PLCH1: variants seen among roughly 807,000 people sequenced by gnomAD.
PLCH1 encodes 1-phosphatidylinositol 4,5-bisphosphate phosphodiesterase eta-1.
Under a neutral mutation model 126.7 loss-of-function variants are expected in PLCH1, and 60 were observed. That is an observed-to-expected ratio of 0.47 (90% CI 0.38 to 0.59). The LOEUF (loss-of-function observed/expected upper bound fraction) is 0.59, where lower values mean the gene tolerates loss of function less well. Among genes scored for constraint, PLCH1 ranks in the 20% least tolerant of loss-of-function variants. The pLI is 0.00. For synonymous variants in PLCH1, 719 were observed against 734.9 expected (o/e 0.98, Z 0.35); for missense variants, 1,723 against 2,040.0 (o/e 0.84, Z 2.99).
chr3:155,692,424 G>C (rs1341970183), intron 2 of PLCH1, among the ~76,000 whole-genome samples: 1 of 151,672 alleles, frequency 6.6e-6, no homozygotes, highest in Non-Finnish European at 1.5e-5. Context: ...ATCACCTGAA[G>C]ATAGATAAAT....
At chr3:155,589,149 C>A (rs937482631) in intron 4 of PLCH1, among the ~76,000 whole-genome samples, 3 of 152,052 alleles carry the variant, frequency 2.0e-5, no homozygotes, top group Non-Finnish European at 2.9e-5. Flanking sequence ...ACTGTAGGAG[C>A]ATGCAAAGCA....
At chr3:155,700,720 T>C (rs1746208219) in intron 2 of PLCH1, among the ~76,000 whole-genome samples, 1 of 152,062 alleles carries the variant, frequency 6.6e-6, no homozygotes, top group Non-Finnish European at 1.5e-5. Flanking sequence ...GCAAATACAC[T>C]CATTATTGGT....
At chr3:155,475,249 A>T (rs1427424970), downstream of PLCH1, among the ~76,000 whole-genome samples, 2 of 152,190 alleles carry the variant, frequency 1.3e-5, no homozygotes, top group East Asian at 1.9e-4. Context: ...AGAAAATTTT[A>T]AAATTTCTAC....
rs1027793340 is a variant in PLCH1, at chr3:155,464,529, T to G, written c.2938+20827A>C. ...ACTTTGAAATTTTACAGGTTTGCTC[T>G]AGGTAGATTTTGCAGAGACTAGGTA... On this transcript the variant is annotated intron_variant, in intron 21 of 21. Transcript: ENST00000494598. Among the ~76,000 whole-genome samples the G allele has an allele frequency of 5.9e-5, 9 of 152,224 alleles. No individual in the cohort carries two copies. The South Asian group carries it at 1.0e-3, about 18-fold the overall frequency.
intron 10 of PLCH1, among the ~76,000 whole-genome samples, chr3:155,531,637 G>C (rs536774471): frequency 6.6e-6 from 1 of 152,270 alleles, no homozygotes; most frequent in South Asian, 2.1e-4. Context: ...AAACCAAAAA[G>C]AAATCTGTTG....
At position 155,480,030 on chromosome 3, in the gene PLCH1, AAT is replaced by A. The variant is rs1269558937; in HGVS notation, c.*936_*937del. 3 of 152,548 alleles carry A rather than the reference AAT, an allele frequency of 2.0e-5. No homozygotes were observed. The highest frequency in any genetic ancestry group is 7.2e-5 in the African/African-American group (3 of 41,442). 9.4% of individuals were successfully genotyped at this position (152,548 alleles called of 1,614,324 possible). ...TGAAAATAATGCATGTCAGTACTAAAATAGAGTTGCTTGGTTCCCTGAAGGAA... is the reference window on the plus strand; with the variant it reads ...TGAAAATAATGCATGTCAGTACTAAAAGAGTTGCTTGGTTCCCTGAAGGAA... On this transcript the variant is annotated 3_prime_UTR_variant, in exon 23 of 23. Transcript: ENST00000460012.
chr3:155,470,645 T>A (rs1713170226), intron 21 of PLCH1, among the ~76,000 whole-genome samples: 4 of 151,884 alleles, frequency 2.6e-5, no homozygotes, highest in Admixed American at 2.6e-4. Flanking sequence ...AAAGTTCAAA[T>A]GAAGGAAAAA....
In PLCH1 at chr3:155,497,306, C is replaced by T. The variant is rs768520542; in HGVS notation, c.1894+14G>A. 5.2e-6 allele frequency: 8 copies of T among 1,537,158 alleles called. No homozygotes were observed. Among genetic ancestry groups the T allele is most frequent in the African/African-American group, 4.1e-5 (3 of 73,334 alleles). On this transcript the variant is annotated intron_variant, in intron 15 of 22. Coordinates refer to ENST00000460012, the MANE Select transcript of PLCH1 (RefSeq NM_014996.4). ...GTTTATTCAGAGCAGAATGAGAAAA[C>T]TCTCCATCCTTACCGTCATCCACAA... is the stretch of plus-strand genomic sequence containing the variant.
rs1249416651 is a variant in PLCH1, at chr3:155,480,589, ATCAAC to A, written c.*374_*378del. 1 of 167,620 alleles carries A rather than the reference ATCAAC, an allele frequency of 6.0e-6. No individual in the cohort carries two copies. Among genetic ancestry groups the A allele is most frequent in the African/African-American group, 2.5e-5 (1 of 40,678 alleles). 10.4% of individuals were successfully genotyped at this position (167,620 alleles called of 1,614,324 possible). A position where few individuals can be genotyped will look rare whatever the true frequency, so the allele number is the denominator to read the frequency against. ...CCTTTGTCGTTTGCAAAGTCTCTTA[ATCAAC>A]TCAACAGTTAGAGAGTAAAAATGAC... On this transcript the variant is annotated 3_prime_UTR_variant, in exon 23 of 23. Transcript: ENST00000460012.
At chr3:155,659,510 G>T (rs548534881) in intron 2 of PLCH1, among the ~76,000 whole-genome samples, 1 of 149,772 alleles carries the variant, frequency 6.7e-6, no homozygotes, top group East Asian at 2.0e-4. Context: ...TTTGTTTTTG[G>T]TTTTTTGTTT....
chr3:155,476,805 C>A (rs1362235807), downstream of PLCH1, among the ~76,000 whole-genome samples: 1 of 151,828 alleles, frequency 6.6e-6, no homozygotes, highest in African/African-American at 2.4e-5. Flanking sequence ...GACTCAATGT[C>A]ATTAAAATAT....
intron 1 of PLCH1, among the ~76,000 whole-genome samples, chr3:155,728,053 GTCC>G (rs1748477850): frequency 6.6e-6 from 1 of 152,168 alleles, no homozygotes; most frequent in Non-Finnish European, 1.5e-5. Flanking sequence ...TTTGGCAAAT[GTCC>G]TCAAGGCAAA....
chr3:155,659,291 T>A (rs1166578811), intron 2 of PLCH1, among the ~76,000 whole-genome samples: 2 of 139,740 alleles, frequency 1.4e-5, no homozygotes, highest in East Asian at 4.4e-4. Context: ...GCGTGAGATG[T>A]CTATTCACTT....
chr3:155,727,026 C>G (rs1307928386), intron 1 of PLCH1, among the ~76,000 whole-genome samples: 1 of 151,596 alleles, frequency 6.6e-6, no homozygotes, highest in East Asian at 1.9e-4. Flanking sequence ...GGCTCAAATT[C>G]TTTTGATTAA....
chr3:155,600,993 T>A (rs550994816), intron 2 of PLCH1, among the ~76,000 whole-genome samples: 10 of 152,330 alleles, frequency 6.6e-5, no homozygotes, highest in African/African-American at 2.2e-4. Flanking sequence ...TCTTTTTTTT[T>A]AGACGGAGTC....
intron 12 of PLCH1, among the ~76,000 whole-genome samples, chr3:155,512,203 C>A (rs533784682): frequency 1.3e-5 from 2 of 152,270 alleles, no homozygotes; most frequent in Admixed American, 1.3e-4. Flanking sequence ...CCTCGCCCTC[C>A]CATTCTCACT....
At chr3:155,500,572 C>T (rs1403493792) in intron 14 of PLCH1, 131 bp downstream of exon 14, 2 of 633,302 alleles carry the variant, frequency 3.2e-6, no homozygotes, top group Admixed American at 5.7e-5. Context: ...AGCTGTTCTT[C>T]ACATGTTCGA....
intron 1 of PLCH1, among the ~76,000 whole-genome samples, chr3:155,704,525 A>T (rs1746510755): frequency 6.6e-6 from 1 of 152,220 alleles, no homozygotes; most frequent in Non-Finnish European, 1.5e-5. Context: ...CTCCAGGGGA[A>T]ATAAACCTAC....
At chr3:155,647,499 T>C (rs918810037) in intron 2 of PLCH1, among the ~76,000 whole-genome samples, 3 of 151,912 alleles carry the variant, frequency 2.0e-5, no homozygotes, top group Non-Finnish European at 4.4e-5. Flanking sequence ...GCATTTTCTT[T>C]GCAGATCAAC....
Sources: gnomAD v4.1 joint callset for allele counts (sites outside exome capture counted in the v4.1 genomes callset) on GRCh38, gnomAD v4.1.1 for gene constraint, MANE v1.5 for transcripts, NCBI Gene and HGNC (gene_info 2026-07-23, HGNC 2026-07-21) for gene names.